NME6: variants seen among roughly 807,000 people sequenced by gnomAD.
The protein encoded by NME6 is NME/NM23 nucleoside diphosphate kinase 6.
NME6 carries 16 observed loss-of-function variants against 22.2 expected under a neutral mutation model. That is an observed-to-expected ratio of 0.72 (90% CI 0.49 to 1.09). The LOEUF (loss-of-function observed/expected upper bound fraction) is 1.09, where lower values mean the gene tolerates loss of function less well. NME6 is among the 50% of genes least tolerant of loss of function. The pLI is 0.00. For missense variants in NME6, 229 were observed against 239.0 expected (o/e 0.96, Z 0.28); for synonymous variants, 58 against 85.2 (o/e 0.68, Z 1.76).
chr3:48,297,282 T>C (rs1381013516), intron 2 of NME6, among the ~76,000 whole-genome samples: 1 of 152,242 alleles, frequency 6.6e-6, no homozygotes, highest in African/African-American at 2.4e-5. Flanking sequence ...CCTTACTCTG[T>C]ACCAATTCTC....
chr3:48,300,654 C>A, intron 1 of NME6: 1 of 251,438 alleles, frequency 4.0e-6, no homozygotes. Context: ...GGACATGGTT[C>A]CTTTACTAAC....
intron 4 of NME6, 70 bp downstream of exon 4, chr3:48,296,049 A>T: frequency 3.8e-6 from 4 of 1,065,366 alleles, no homozygotes; most frequent in Non-Finnish European, 5.9e-6. Context: ...CAGTGAAATG[A>T]ACAAATCCAT....
At chr3:48,296,892 C>A in intron 2 of NME6, 63 bp from the exon 3 acceptor site, 1 of 1,252,396 alleles carries the variant, frequency 8.0e-7, no homozygotes, top group South Asian at 1.3e-5. Context: ...CAAAAGAAAC[C>A]ATGAGGACCA....
At chr3:48,289,365 C>T (rs558962737), downstream of NME6, among the ~76,000 whole-genome samples, 4 of 152,136 alleles carry the variant, frequency 2.6e-5, no homozygotes, top group East Asian at 1.9e-4. Flanking sequence ...CACCACACCC[C>T]GCCTAAAAAA....
downstream of NME6, among the ~76,000 whole-genome samples, chr3:48,287,928 G>C (rs565506292): frequency 9.9e-5 from 15 of 152,236 alleles, no homozygotes; most frequent in East Asian, 1.2e-3. Flanking sequence ...AGTGAGGAAG[G>C]GGGAGGAGGT....
chr3:48,296,169 A>AGAG lies in NME6; in HGVS notation c.194-14_194-12dup. On this transcript the variant is annotated splice_polypyrimidine_tract_variant and intron_variant, in intron 3 of 5. Transcript: ENST00000442597. The stretch of plus-strand genomic sequence containing the variant: ...GATAGAAAAAACGCCCTGCAAAGAG[A>AGAG]GAGGACCTTCATCAAGATACCTTCA... 1 of 1,614,200 alleles carries AGAG rather than the reference A, an allele frequency of 6.2e-7. No homozygotes were observed. The highest frequency in any genetic ancestry group is 8.5e-7 in the Non-Finnish European group (1 of 1,180,024).
downstream of NME6, among the ~76,000 whole-genome samples, chr3:48,288,381 AAAAAAG>A (rs1203138340): frequency 5.9e-5 from 9 of 151,870 alleles, no homozygotes; most frequent in Non-Finnish European, 1.2e-4. Context: ...TCTCAAAAAA[AAAAAAG>A]AAAAAAAAAA....
downstream of NME6, chr3:48,291,292 A>G: frequency 6.9e-6 from 3 of 433,614 alleles, no homozygotes; most frequent in South Asian, 1.7e-5. Flanking sequence ...TTAGGTCTTT[A>G]TCATTTTCTT....
At chr3:48,289,948 A>C (rs970172940), downstream of NME6, among the ~76,000 whole-genome samples, 1 of 152,264 alleles carries the variant, frequency 6.6e-6, no homozygotes, top group Admixed American at 6.5e-5. Flanking sequence ...GTTAAAGAAA[A>C]GACAAAATGC....
At chr3:48,289,815 TA>T (rs1430948742), downstream of NME6, among the ~76,000 whole-genome samples, 1 of 152,214 alleles carries the variant, frequency 6.6e-6, no homozygotes, top group Non-Finnish European at 1.5e-5. Flanking sequence ...GGAGACCATT[TA>T]AATGCCTGTT....
intron 3 of NME6, among the ~76,000 whole-genome samples, chr3:48,296,405 T>G (rs1435923704): frequency 6.6e-6 from 1 of 152,146 alleles, no homozygotes; most frequent in East Asian, 1.9e-4. Flanking sequence ...CAACACCTAC[T>G]TTTTAGGGTT....
rs7616884 is a variant in NME6 at position 48,295,673 on chromosome 3, T to C, written c.234-438A>G. On this transcript the variant is annotated intron_variant, in intron 4 of 5. Transcript: ENST00000442597. ...TCTCCTGCCTCAGCTTCCCGAGTAG[T>C]TGGGATTACAGGCACCCGCCACCAT... 7.6e-3 allele frequency: 1,799 copies of C among 236,254 alleles called. 37 individuals are homozygous for C. The highest frequency in any genetic ancestry group is 0.039 in the African/African-American group (1,660 of 42,560). The allele number at this position is 236,254 out of a possible 1,614,324, so 14.6% of individuals were successfully genotyped here.
At position 48,295,132 on chromosome 3, in the gene NME6, C is replaced by A. The variant is rs148121639; in HGVS notation, c.337G>T (p.Asp113Tyr). 3.7e-5 allele frequency: 60 copies of A among 1,614,074 alleles called. No homozygotes were observed. The highest frequency in any genetic ancestry group is 5.0e-5 in the Non-Finnish European group (59 of 1,180,042). Residue 113 changes from aspartate to tyrosine, a missense_variant, in exon 5 of 6, where the codon GAT becomes TAT. Asp to Tyr is a radical substitution (Grantham distance 160). Transcript: ENST00000442597. Reference sequence around the variant, plus strand: ...AGGCCGAAACTCCCACGGATAGAATCTGGGGCCACATGGCGTGCTCGGAAC... The same window carrying A: ...AGGCCGAAACTCCCACGGATAGAATATGGGGCCACATGGCGTGCTCGGAAC... ...RVFRARHVAP[D>Y]SIRGSFGLTD...
At chr3:48,300,290 T>C (rs766733581) in intron 1 of NME6, 1 of 456,766 alleles carries the variant, frequency 2.2e-6, no homozygotes, top group South Asian at 1.5e-5. Context: ...TCTAGCCTCA[T>C]CTGGAACCCC....
At chr3:48,300,211 G>T (rs147946950) in intron 1 of NME6, 1 of 456,452 alleles carries the variant, frequency 2.2e-6, no homozygotes, top group African/African-American at 2.0e-5. Context: ...CCTGTTCTTA[G>T]AATAAAAACC....
chr3:48,294,409 A>C lies in NME6; in HGVS notation c.*228T>G. On this transcript the variant is annotated 3_prime_UTR_variant, in exon 6 of 6. Coordinates refer to ENST00000442597, the MANE Select transcript of NME6 (RefSeq NM_001308426.2). ...TCTTGAAGAAGGATGAACAGTTCTC[A>C]GCAAAGAGGAGTCATCATTCTTCTG... The C allele has an allele frequency of 2.1e-6, 1 of 480,072 alleles. No homozygotes were observed. The highest frequency in any genetic ancestry group is 3.8e-6 in the Non-Finnish European group (1 of 264,192). 29.7% of individuals were successfully genotyped at this position (480,072 alleles called of 1,614,324 possible).
Position 48,294,114 on chromosome 3 carries a change from G to C in NME6, c.*523C>G, listed in dbSNP as rs1054511581. On this transcript the variant is annotated 3_prime_UTR_variant, in exon 6 of 6. Transcript: ENST00000442597. ...TTTTTTTTTTTTGAGACAGAATGTCGCCCAGGCTGGAGTGCAATGGCACGA... is the reference window on the plus strand; with the variant it reads ...TTTTTTTTTTTTGAGACAGAATGTCCCCCAGGCTGGAGTGCAATGGCACGA... 2.0e-5 allele frequency: 3 copies of C among 148,452 alleles called. No homozygotes were observed. The highest frequency in any genetic ancestry group is 6.8e-5 in the Admixed American group (1 of 14,716). 9.2% of individuals were successfully genotyped at this position (148,452 alleles called of 1,614,324 possible). A position where few individuals can be genotyped will look rare whatever the true frequency, so the allele number is the denominator to read the frequency against.
chr3:48,290,288 G>A (rs1034636386), downstream of NME6, among the ~76,000 whole-genome samples: 3 of 151,380 alleles, frequency 2.0e-5, no homozygotes, highest in Non-Finnish European at 2.9e-5. Context: ...CTACACAGAT[G>A]TAAAAAATTA....
intron 1 of NME6, among the ~76,000 whole-genome samples, chr3:48,299,494 T>C (rs2107010220): frequency 6.6e-6 from 1 of 152,168 alleles, no homozygotes; most frequent in South Asian, 2.1e-4. Context: ...ACACCTGTAA[T>C]ATCAGTACTT....
Sources: gnomAD v4.1 joint callset for allele counts (sites outside exome capture counted in the v4.1 genomes callset) on GRCh38, gnomAD v4.1.1 for gene constraint, MANE v1.5 for transcripts, NCBI Gene and HGNC (gene_info 2026-07-23, HGNC 2026-07-21) for gene names.